The following CNTN5 variants were observed in gnomAD, a reference collection of about 807,000 sequenced individuals.
CNTN5 encodes the protein contactin 5, also known as contactin-5.
CNTN5 carries 77 observed loss-of-function variants against 129.1 expected under a neutral mutation model. The observed-to-expected ratio is 0.60, with a 90% CI of 0.50 to 0.72. The LOEUF (loss-of-function observed/expected upper bound fraction) is 0.72. Among genes scored for constraint, CNTN5 ranks in the 30% least tolerant of loss-of-function variants. The pLI is 0.00. For synonymous variants in CNTN5, 509 were observed against 465.6 expected (o/e 1.09, Z -1.20); for missense variants, 1,478 against 1,328.8 (o/e 1.11, Z -1.75).
intron 9 of CNTN5, among the ~76,000 whole-genome samples, chr11:100,002,582 C>A (rs1034572301): frequency 2.0e-5 from 3 of 152,054 alleles, no homozygotes; most frequent in Non-Finnish European, 4.4e-5. Context: ...CTGTGTATTA[C>A]CTTAGTATCT....
At chr11:99,509,859 C>A (rs1946769311) in intron 2 of CNTN5, among the ~76,000 whole-genome samples, 1 of 151,854 alleles carries the variant, frequency 6.6e-6, no homozygotes, top group Non-Finnish European at 1.5e-5. Flanking sequence ...ATGAAAAATT[C>A]AAACAATGTG....
At chr11:99,115,083 C>T (rs1322393758) in intron 1 of CNTN5, among the ~76,000 whole-genome samples, 1 of 152,134 alleles carries the variant, frequency 6.6e-6, no homozygotes, top group African/African-American at 2.4e-5. Context: ...CATACAGAAT[C>T]TGCTGACACC....
intron 1 of CNTN5, among the ~76,000 whole-genome samples, chr11:99,147,802 C>A (rs1859859857): frequency 6.6e-6 from 1 of 152,050 alleles, no homozygotes; most frequent in African/African-American, 2.4e-5. Context: ...ACTACAGAGA[C>A]CTATTGTGTC....
intron 3 of CNTN5, among the ~76,000 whole-genome samples, chr11:99,765,385 A>G (rs1714196087): frequency 6.7e-6 from 1 of 149,024 alleles, no homozygotes; most frequent in Admixed American, 6.7e-5. Flanking sequence ...TGAAACACAT[A>G]CTGAGTATGA....
At chr11:99,858,303 A>G (rs533072098) in intron 6 of CNTN5, among the ~76,000 whole-genome samples, 43 of 152,170 alleles carry the variant, frequency 2.8e-4, no homozygotes, top group Non-Finnish European at 4.9e-4. Flanking sequence ...TTTCATAAAC[A>G]TAGTAAATCA....
In CNTN5 at chr11:99,710,989, A is replaced by C. The variant is rs1238702108; in HGVS notation, c.56-108555A>C. On this transcript the variant is annotated intron_variant, in intron 3 of 24. Coordinates refer to ENST00000524871, the MANE Select transcript of CNTN5 (RefSeq NM_014361.4). ...ATGCAAAGGAAAATTTTTTAGTATT[A>C]ATGTGTCCCACATATTGCATACTGC... 2.6e-5 allele frequency among the ~76,000 whole-genome samples: 4 copies of C among 152,066 alleles called. No individual in the cohort carries two copies. In the East Asian group the frequency reaches 7.8e-4, roughly 30 times the overall value.
At chr11:99,777,029 A>G (rs1945147899) in intron 3 of CNTN5, among the ~76,000 whole-genome samples, 1 of 151,546 alleles carries the variant, frequency 6.6e-6, no homozygotes, top group Non-Finnish European at 1.5e-5. Context: ...CATTTGATTT[A>G]CTTTTACAAT....
At chr11:99,950,796 AT>A (rs2136147121) in intron 7 of CNTN5, among the ~76,000 whole-genome samples, 1 of 152,322 alleles carries the variant, frequency 6.6e-6, no homozygotes, top group East Asian at 1.9e-4. Flanking sequence ...TTATTGTCCC[AT>A]TTTATGGATA....
chr11:99,032,370 T>G (rs972578083), intron 1 of CNTN5, among the ~76,000 whole-genome samples: 6 of 151,004 alleles, frequency 4.0e-5, no homozygotes, highest in Admixed American at 6.6e-5. Context: ...TGAACTAGTT[T>G]ACAGTCCCAC....
At chr11:99,059,493 C>A (rs4271353) in intron 1 of CNTN5, among the ~76,000 whole-genome samples, 4 of 151,804 alleles carry the variant, frequency 2.6e-5, no homozygotes, top group Admixed American at 6.6e-5. Context: ...AAATACTTCC[C>A]TTTAGTCATT....
intron 2 of CNTN5, among the ~76,000 whole-genome samples, chr11:99,521,078 C>T (rs1044332772): frequency 3.9e-5 from 6 of 152,088 alleles, no homozygotes; most frequent in African/African-American, 1.4e-4. Context: ...AAACCCAAGC[C>T]TTCCATTTTA....
chr11:100,291,678 C>T (rs1460466845), intron 18 of CNTN5, among the ~76,000 whole-genome samples: 2 of 150,954 alleles, frequency 1.3e-5, no homozygotes, highest in Non-Finnish European at 3.0e-5. Context: ...GTGCAGCGCA[C>T]CAGCATGGCA....
At chr11:100,039,341 G>T (rs1384398969) in intron 9 of CNTN5, among the ~76,000 whole-genome samples, 1 of 152,198 alleles carries the variant, frequency 6.6e-6, no homozygotes, top group Non-Finnish European at 1.5e-5. Context: ...GAGATCAGCT[G>T]TTTGTCTGAT....
rs778754969 is a variant in CNTN5, at chr11:100,308,433, A to G, written c.2695A>G (p.Ile899Val). The change falls in exon 21 of 25, where the codon ATT becomes GTT. Residue 899 changes from isoleucine to valine, a missense_variant. By Grantham distance (29) the Ile-to-Val change is conservative. Coordinates refer to ENST00000524871, the MANE Select transcript of CNTN5 (RefSeq NM_014361.4). ...AGAGATTCTTGTTGCATGGAAACAC[A>G]TTAAAGAGAGTCTAGGAAGACCACA... ...VSEILVAWKH[I>V]KESLGRPQGF... 3 of 1,610,928 alleles carry G rather than the reference A, an allele frequency of 1.9e-6. No individual in the cohort carries two copies. Among genetic ancestry groups the G allele is most frequent in the Non-Finnish European group, 2.5e-6 (3 of 1,177,848 alleles).
intron 9 of CNTN5, among the ~76,000 whole-genome samples, chr11:100,041,793 G>A (rs188971006): frequency 4.2e-4 from 64 of 152,310 alleles, no homozygotes; most frequent in African/African-American, 1.5e-3. Flanking sequence ...TAATGTCACA[G>A]AGACTGTCAA....
chr11:99,044,680 G>C (rs1231558491), intron 1 of CNTN5, among the ~76,000 whole-genome samples: 1 of 152,122 alleles, frequency 6.6e-6, no homozygotes, highest in Admixed American at 6.5e-5. Flanking sequence ...GATAATTCTC[G>C]TTGGCTGTCA....
chr11:99,371,393 G>C lies in CNTN5; in HGVS notation c.-71+45909G>C, dbSNP rs556583246. Among the ~76,000 whole-genome samples the C allele has an allele frequency of 3.5e-4, 53 of 151,912 alleles. No homozygotes were observed. In the South Asian group the frequency reaches 1.0e-2, roughly 29 times the overall value. The stretch of plus-strand genomic sequence containing the variant: ...TGTGTACTTGTGTGTATAAAACATA[G>C]CCTATATTGATTCCTAAGATTCACT... On this transcript the variant is annotated intron_variant, in intron 2 of 24. Transcript: ENST00000524871.
At chr11:99,562,316 C>A (rs533893240) in intron 3 of CNTN5, among the ~76,000 whole-genome samples, 11 of 151,968 alleles carry the variant, frequency 7.2e-5, no homozygotes, top group Non-Finnish European at 1.6e-4. Flanking sequence ...TCTTTGAGAT[C>A]TGCTCTAGAC....
chr11:99,249,011 T>C (rs1565436580), intron 1 of CNTN5, among the ~76,000 whole-genome samples: 1 of 152,146 alleles, frequency 6.6e-6, no homozygotes, highest in African/African-American at 2.4e-5. Flanking sequence ...AGAAAGTCAT[T>C]TGTAGCTTGA....
Sources: gnomAD v4.1 joint callset for allele counts (sites outside exome capture counted in the v4.1 genomes callset) on GRCh38, gnomAD v4.1.1 for gene constraint, MANE v1.5 for transcripts, NCBI Gene and HGNC (gene_info 2026-07-23, HGNC 2026-07-21) for gene names.